WAC: variants seen among roughly 807,000 people sequenced by gnomAD.
WAC encodes the protein WW domain containing adaptor with coiled-coil, also known as WW domain-containing adapter protein with coiled-coil.
WAC carries 11 observed loss-of-function variants against 79.6 expected under a neutral mutation model. The observed-to-expected ratio is 0.14, with a 90% CI of 0.09 to 0.23. The LOEUF is 0.23. Among genes scored for constraint, WAC ranks in the 10% least tolerant of loss-of-function variants. The pLI, the probability that WAC is intolerant of heterozygous loss-of-function variation, is 1.00. For missense variants in WAC, 728 were observed against 773.5 expected (o/e 0.94, Z 0.70); for synonymous variants, 304 against 276.9 (o/e 1.10, Z -0.97).
At chr10:28,562,884 A>G (rs1305344396) in intron 3 of WAC, among the ~76,000 whole-genome samples, 1 of 152,158 alleles carries the variant, frequency 6.6e-6, no homozygotes, top group Admixed American at 6.5e-5. Flanking sequence ...CAAACTGTGA[A>G]AAATGTATTT....
intron 13 of WAC, among the ~76,000 whole-genome samples, chr10:28,618,485 G>A (rs1307583486): frequency 6.6e-6 from 1 of 152,184 alleles, no homozygotes; most frequent in Non-Finnish European, 1.5e-5. Flanking sequence ...GGTACTCTCT[G>A]AGTAACAACT....
At chr10:28,534,418 T>C (rs1429921684) in intron 2 of WAC, 2 of 200,174 alleles carry the variant, frequency 1.0e-5, no homozygotes, top group African/African-American at 4.6e-5. Flanking sequence ...GGTATTAAAA[T>C]TAAGTGAAGA....
At chr10:28,536,797 C>T (rs2132315478) in intron 3 of WAC, among the ~76,000 whole-genome samples, 1 of 152,268 alleles carries the variant, frequency 6.6e-6, no homozygotes, top group South Asian at 2.1e-4. Flanking sequence ...CATTAAGGAA[C>T]AAAGCAATTT....
At chr10:28,548,930 A>C (rs925658842) in intron 3 of WAC, among the ~76,000 whole-genome samples, 15 of 152,164 alleles carry the variant, frequency 9.9e-5, no homozygotes, top group African/African-American at 3.4e-4. Context: ...TTGTCCTGTC[A>C]CCCAGGCTGA....
At chr10:28,551,784 T>TTGTGTGTGTGTGTGTGTG (rs71769370) in intron 3 of WAC, among the ~76,000 whole-genome samples, 166 of 124,808 alleles carry the variant, frequency 1.3e-3, no homozygotes, top group East Asian at 1.7e-3. Flanking sequence ...TCCTGTCTAC[T>TTGTGTGTGTGTGTGTGTG]TGTGTGTGTG....
intron 3 of WAC, among the ~76,000 whole-genome samples, chr10:28,570,186 T>TAAAA (rs1838868604): frequency 6.6e-6 from 1 of 152,250 alleles, no homozygotes; most frequent in Non-Finnish European, 1.5e-5. Context: ...CACATATTTT[T>TAAAA]GGGAAAAGTA....
At chr10:28,576,773 G>A (rs1458745139) in intron 3 of WAC, among the ~76,000 whole-genome samples, 1 of 152,186 alleles carries the variant, frequency 6.6e-6, no homozygotes, top group East Asian at 1.9e-4. Context: ...CCTTCATGGA[G>A]AGCAATGCTG....
In WAC at chr10:28,595,944, C is replaced by T; in HGVS notation, c.822C>T (p.His274=). ...GTCCATTTACGCTACAGTCTGATCA[C>T]CAGCCAAAGAAATCATTTGATGCTA... ...PSSPFTLQSD[H]QPKKSFDANG... Residue 274 remains histidine, a synonymous_variant, in exon 7 of 14, where the codon CAC becomes CAT. Coordinates refer to ENST00000354911, the MANE Select transcript of WAC (RefSeq NM_016628.5). 6.2e-7 allele frequency: 1 copy of T among 1,614,088 alleles called. No individual in the cohort carries two copies. The highest frequency in any genetic ancestry group is 8.5e-7 in the Non-Finnish European group (1 of 1,179,986).
chr10:28,541,646 C>T (rs1171311025), intron 3 of WAC, among the ~76,000 whole-genome samples: 2 of 151,776 alleles, frequency 1.3e-5, no homozygotes, highest in African/African-American at 4.8e-5. Flanking sequence ...CATCTGACTC[C>T]ACAGTAGCTC....
intron 4 of WAC, among the ~76,000 whole-genome samples, chr10:28,588,491 G>C (rs1041558994): frequency 5.3e-5 from 8 of 152,162 alleles, no homozygotes; most frequent in Non-Finnish European, 1.2e-4. Flanking sequence ...TTGGAAACCA[G>C]AGTTTTTTGT....
At chr10:28,594,334 C>T (rs924770463) in intron 6 of WAC, among the ~76,000 whole-genome samples, 13 of 152,122 alleles carry the variant, frequency 8.5e-5, no homozygotes, top group African/African-American at 3.1e-4. Flanking sequence ...CCTGCTATGT[C>T]TGTCTCTAAA....
At chr10:28,583,552 CAAAAAA>C (rs35140807) in intron 4 of WAC, 47 bp downstream of exon 4, 3 of 827,466 alleles carry the variant, frequency 3.6e-6, no homozygotes, top group African/African-American at 2.1e-5. Context: ...GAATTTTTTG[CAAAAAA>C]AAAAAAAAAA....
At chr10:28,605,476 T>A (rs966682769) in intron 7 of WAC, among the ~76,000 whole-genome samples, 5 of 152,192 alleles carry the variant, frequency 3.3e-5, no homozygotes, top group Non-Finnish European at 7.3e-5. Context: ...AACCTTTTCA[T>A]AGAGAAGTTG....
Position 28,622,454 on chromosome 10 carries a change from G to T in WAC, c.*2848G>T, listed in dbSNP as rs1220081424. 1 of 67,944 alleles carries T rather than the reference G, an allele frequency of 1.5e-5. No individual in the cohort carries two copies. Among genetic ancestry groups the T allele is most frequent in the African/African-American group, 5.4e-5 (1 of 18,668 alleles). The allele number at this position is 67,944 out of a possible 1,614,324, so 4.2% of individuals were successfully genotyped here. ...CCCCCCCCCCCCCCCCGTTTTAAAA[G>T]ATCAGTAGTCTCTATTCAAACTTTT... On this transcript the variant is annotated 3_prime_UTR_variant, in exon 14 of 14. Transcript: ENST00000354911.
At position 28,535,852 on chromosome 10, in the gene WAC, G is replaced by C. The variant is rs1836631585; in HGVS notation, c.274+95G>C. Reference sequence around the variant, plus strand: ...GTATTTCTAGCTTGAAGAAGTTACTGTTCAGTTATGTCATTAAAATATTTT... The same window carrying C: ...GTATTTCTAGCTTGAAGAAGTTACTCTTCAGTTATGTCATTAAAATATTTT... On this transcript the variant is annotated intron_variant, in intron 3 of 13. Coordinates refer to ENST00000354911, the MANE Select transcript of WAC (RefSeq NM_016628.5). 4 of 1,025,274 alleles carry C rather than the reference G, an allele frequency of 3.9e-6. No homozygotes were observed. In the South Asian group the frequency reaches 5.5e-5, roughly 14 times the overall value. The allele number at this position is 1,025,274 out of a possible 1,614,324, so 63.5% of individuals were successfully genotyped here. A position where few individuals can be genotyped will look rare whatever the true frequency, so the allele number is the denominator to read the frequency against.
intron 4 of WAC, among the ~76,000 whole-genome samples, chr10:28,588,428 A>G (rs931236799): frequency 6.6e-6 from 1 of 152,196 alleles, no homozygotes; most frequent in Non-Finnish European, 1.5e-5. Context: ...TGCCTTCAGA[A>G]TTATTAGGGG....
chr10:28,610,908 T>C, intron 9 of WAC, 87 bp downstream of exon 9: 1 of 1,360,410 alleles, frequency 7.4e-7, no homozygotes, highest in East Asian at 2.6e-5. Flanking sequence ...TAGTTTTTTC[T>C]TTCATTTTTT....
chr10:28,538,816 GTTGTGCCACCACAC>G (rs1261743325), intron 3 of WAC, among the ~76,000 whole-genome samples: 3 of 148,604 alleles, frequency 2.0e-5, no homozygotes, highest in African/African-American at 7.4e-5. Flanking sequence ...GTGAGCTGTG[GTTGTGCCACCACAC>G]TCTAACCTGG....
At chr10:28,600,672 T>A (rs1369205201) in intron 7 of WAC, among the ~76,000 whole-genome samples, 1 of 152,050 alleles carries the variant, frequency 6.6e-6, no homozygotes, top group Admixed American at 6.6e-5. Flanking sequence ...AAGGAAAGTC[T>A]TCATCAAGAC....
Sources: gnomAD v4.1 joint callset for allele counts (sites outside exome capture counted in the v4.1 genomes callset) on GRCh38, gnomAD v4.1.1 for gene constraint, MANE v1.5 for transcripts, NCBI Gene and HGNC (gene_info 2026-07-23, HGNC 2026-07-21) for gene names.